The following NAPA variants were observed in gnomAD, a reference collection of about 807,000 sequenced individuals.
The protein encoded by NAPA is alpha-soluble NSF attachment protein.
In NAPA, 18 loss-of-function variants were observed where a neutral mutation model predicts 48.0. The observed-to-expected ratio is 0.38, with a 90% CI of 0.26 to 0.56. The LOEUF (loss-of-function observed/expected upper bound fraction) is 0.56. Among genes scored for constraint, NAPA ranks in the 20% least tolerant of loss-of-function variants. The pLI is 0.77. For missense variants in NAPA, 315 were observed against 385.0 expected, an observed-to-expected ratio of 0.82 and a Z score of 1.52; for synonymous variants, 152 against 149.9, an observed-to-expected ratio of 1.01 and a Z score of -0.10.
intron 9 of NAPA, among the ~76,000 whole-genome samples, chr19:47,490,147 T>C (rs1968203425): frequency 6.9e-6 from 1 of 145,708 alleles, no homozygotes; most frequent in African/African-American, 2.6e-5. Context: ...GTGTGTGGTG[T>C]GTTCGGTGTG....
intron 10 of NAPA, 197 bp from the exon 11 acceptor site, chr19:47,488,586 T>G: frequency 2.4e-6 from 1 of 411,094 alleles, no homozygotes; most frequent in African/African-American, 2.0e-5. Context: ...GGGCACATCA[T>G]TTCCCTTGGG....
At chr19:47,499,765 A>G (rs1226982247) in intron 3 of NAPA, among the ~76,000 whole-genome samples, 1 of 152,282 alleles carries the variant, frequency 6.6e-6, no homozygotes, top group East Asian at 1.9e-4. Flanking sequence ...ACCAGTGCTC[A>G]CTGATCCATG....
intron 7 of NAPA, 70 bp from the exon 8 acceptor site, chr19:47,492,189 C>T: frequency 7.3e-7 from 1 of 1,364,506 alleles, no homozygotes; most frequent in Non-Finnish European, 1.0e-6. Context: ...CACTGCCAGG[C>T]ACTGGGGGGC....
Position 47,493,641 on chromosome 19 carries a change from G to A in NAPA, c.343-148C>T, listed in dbSNP as rs114609187. On this transcript the variant is annotated intron_variant, in intron 4 of 10. Transcript: ENST00000263354. The surrounding 1 kb of genome is among the most constrained non-coding windows in gnomAD (Gnocchi z 6.4). Reference sequence around the variant, plus strand: ...TGAGGTGTGAAGAAGATCGAGAGGTGGGGGAACACAGGAGTGAGAAGGGAG... The same window carrying A: ...TGAGGTGTGAAGAAGATCGAGAGGTAGGGGAACACAGGAGTGAGAAGGGAG... 5,441 of 694,848 alleles carry A rather than the reference G, an allele frequency of 7.8e-3. 96 individuals carry two copies. Among genetic ancestry groups the A allele is most frequent in the Middle Eastern group, 0.04 (132 of 3,274 alleles). 43.0% of individuals were successfully genotyped at this position (694,848 alleles called of 1,614,324 possible). A position where few individuals can be genotyped will look rare whatever the true frequency, so the allele number is the denominator to read the frequency against.
In NAPA at chr19:47,503,398, A is replaced by T; in HGVS notation, c.178+25T>A. The T allele has an allele frequency of 2.5e-6, 4 of 1,604,770 alleles. No individual in the cohort carries two copies. In the South Asian group the frequency reaches 4.4e-5, roughly 18 times the overall value. Reference sequence around the variant, plus strand: ...CTGAGGGAGGAGGAGAGCACCTTGGAGGAGCTCTAGCGGAGATGACATACC... The same window carrying T: ...CTGAGGGAGGAGGAGAGCACCTTGGTGGAGCTCTAGCGGAGATGACATACC... On this transcript the variant is annotated intron_variant, in intron 2 of 10. Transcript: ENST00000263354.
chr19:47,515,045 TGAC>T lies in NAPA; in HGVS notation c.-108_-106del. On this transcript the variant is annotated 5_prime_UTR_variant, in exon 1 of 11. Coordinates refer to ENST00000263354, the MANE Select transcript of NAPA (RefSeq NM_003827.4). ...ATCGGTAAAACTCGCCCGGCTGCGT[TGAC>T]GTCGCACCGGCGCGCGTCGCTTGCG... 1 of 1,179,786 alleles carries T rather than the reference TGAC, an allele frequency of 8.5e-7. No individual in the cohort carries two copies. Among genetic ancestry groups the T allele is most frequent in the Non-Finnish European group, 1.2e-6 (1 of 837,344 alleles). The allele number at this position is 1,179,786 out of a possible 1,614,324, so 73.1% of individuals were successfully genotyped here.
Position 47,500,183 on chromosome 19 carries a change from G to C in NAPA, c.295+450C>G, listed in dbSNP as rs564561791. Among the ~76,000 whole-genome samples the C allele has an allele frequency of 2.0e-5, 3 of 152,276 alleles. No homozygotes were observed. The East Asian group carries it at 5.8e-4, about 29-fold the overall frequency. On this transcript the variant is annotated intron_variant, in intron 3 of 10. Transcript: ENST00000263354. ...CTCTCTAATTCCTCCCCAGGATGTAGGGAAGCCAGGTTGGGCTAATTTCCG... is the reference window on the plus strand; with the variant it reads ...CTCTCTAATTCCTCCCCAGGATGTACGGAAGCCAGGTTGGGCTAATTTCCG...
chr19:47,490,531 TGTGTG>T (rs556713057), intron 9 of NAPA, among the ~76,000 whole-genome samples: 1 of 126,280 alleles, frequency 7.9e-6, no homozygotes. Flanking sequence ...ATGTTTGGTG[TGTGTG>T]GTGTGGTGTG....
intron 1 of NAPA, among the ~76,000 whole-genome samples, chr19:47,503,840 G>A (rs830146): frequency 0.63 from 96,236 of 152,098 alleles, 35,454 homozygotes; most frequent in Non-Finnish European, 0.82. Flanking sequence ...GGTCCCAGGC[G>A]CGCTACAAAT....
Position 47,495,610 on chromosome 19 carries a change from G to A in NAPA, c.296-14C>T. The A allele has an allele frequency of 6.2e-7, 1 of 1,613,626 alleles. No homozygotes were observed. The highest frequency in any genetic ancestry group is 8.5e-7 in the Non-Finnish European group (1 of 1,179,666). On this transcript the variant is annotated splice_polypyrimidine_tract_variant and intron_variant, in intron 3 of 10. Transcript: ENST00000263354. ...AGTTAATGGCCTCTGGAGAGAAAGG[G>A]AGGTGGGAGGAGACATGAGAAAGTG...
chr19:47,495,505 A>G, intron 4 of NAPA, 45 bp downstream of exon 4: 1 of 1,591,700 alleles, frequency 6.3e-7, no homozygotes, highest in Non-Finnish European at 8.6e-7. Context: ...GGCTGGGGCA[A>G]TGCAGTGGGA....
rs1328177208 is a variant in NAPA at position 47,487,850 on chromosome 19, A to C, written c.*438T>G. The C allele has an allele frequency of 6.5e-6, 1 of 153,394 alleles. No individual in the cohort carries two copies. The highest frequency in any genetic ancestry group is 1.5e-5 in the Non-Finnish European group (1 of 68,924). The allele number at this position is 153,394 out of a possible 1,614,324, so 9.5% of individuals were successfully genotyped here. A position where few individuals can be genotyped will look rare whatever the true frequency, so the allele number is the denominator to read the frequency against. On this transcript the variant is annotated 3_prime_UTR_variant, in exon 11 of 11. Coordinates refer to ENST00000263354, the MANE Select transcript of NAPA (RefSeq NM_003827.4). ...GGGAAGAGGAGCCTGCCCCCAGCAG[A>C]AACAGCAGGTCTCAGCGGCTACATG...
At chr19:47,510,620 T>A (rs1371376482) in intron 1 of NAPA, among the ~76,000 whole-genome samples, 1 of 152,172 alleles carries the variant, frequency 6.6e-6, no homozygotes, top group African/African-American at 2.4e-5. Context: ...TTTTGGCTAT[T>A]TTGGGGACAG....
chr19:47,513,846 C>CTTTTTT (rs776314156), intron 1 of NAPA, among the ~76,000 whole-genome samples: 14 of 115,854 alleles, frequency 1.2e-4, no homozygotes, highest in East Asian at 2.4e-4. Flanking sequence ...TTCTTTCTTT[C>CTTTTTT]TTTTTTTTTT....
At chr19:47,501,570 G>A (rs997082380) in intron 2 of NAPA, 1 of 152,298 alleles carries the variant, frequency 6.6e-6, no homozygotes, top group Admixed American at 6.5e-5. Context: ...ACAGGATGTG[G>A]ACAGCAAGAA....
At chr19:47,496,648 G>A in intron 3 of NAPA, 1 of 274,152 alleles carries the variant, frequency 3.6e-6, no homozygotes, top group South Asian at 3.3e-5. Context: ...GGTCACCCAG[G>A]CCATGTTCGC....
intron 2 of NAPA, among the ~76,000 whole-genome samples, 162 bp from the exon 3 acceptor site, chr19:47,500,911 ACTCAGGTCTCCTGGCTCCTGCG>A (rs1421622313): frequency 6.6e-6 from 1 of 152,092 alleles, no homozygotes; most frequent in South Asian, 2.1e-4. Context: ...GAGGCCTAGA[ACTCAGGTCTCCTGGCTCCTGCG>A]CTCAGGTCTG....
intron 1 of NAPA, among the ~76,000 whole-genome samples, chr19:47,512,288 C>A (rs140602791): frequency 6.6e-6 from 1 of 152,210 alleles, no homozygotes; most frequent in Non-Finnish European, 1.5e-5. Context: ...GCACCCTCCC[C>A]GGCCCCACTC....
At chr19:47,494,383 G>A (rs1228181651) in intron 4 of NAPA, among the ~76,000 whole-genome samples, 2 of 152,134 alleles carry the variant, frequency 1.3e-5, no homozygotes, top group Admixed American at 1.3e-4. Flanking sequence ...GAACGCAAGG[G>A]GTAGGGCTCG....
Sources: allele counts gnomAD v4.1 joint callset (sites outside exome capture counted in the v4.1 genomes callset), GRCh38; gene constraint gnomAD v4.1.1; non-coding constraint Gnocchi (gnomAD v3.1); transcripts MANE v1.5; gene names NCBI Gene and HGNC (gene_info 2026-07-23, HGNC 2026-07-21).